GREB1: variants seen among roughly 807,000 people sequenced by gnomAD.
The protein encoded by GREB1 is growth regulating estrogen receptor binding 1, also known as protein GREB1.
A neutral mutation model predicts 200.7 loss-of-function variants in GREB1; 106 were observed. The observed-to-expected ratio is 0.53, with a 90% CI of 0.45 to 0.62. The LOEUF (loss-of-function observed/expected upper bound fraction) is 0.62. GREB1 is among the 20% of genes least tolerant of loss of function. GREB1 has a pLI of 0.00. For synonymous variants in GREB1, 1,132 were observed against 1,092.4 expected, an observed-to-expected ratio of 1.04 and a Z score of -0.72; for missense variants, 2,243 against 2,556.8, an observed-to-expected ratio of 0.88 and a Z score of 2.65.
In GREB1 at chr2:11,585,924, C is replaced by A; in HGVS notation, c.1159+19C>A. On this transcript the variant is annotated intron_variant, in intron 9 of 32. Coordinates refer to ENST00000381486, the MANE Select transcript of GREB1 (RefSeq NM_014668.4). The stretch of plus-strand genomic sequence containing the variant: ...TTTAAAGGCAAGTACAGCAGTGCAC[C>A]GAGTCGTGGGGATGGGAGAACCTAA... The A allele has an allele frequency of 6.2e-7, 1 of 1,606,044 alleles. No individual in the cohort carries two copies. Among genetic ancestry groups the A allele is most frequent in the South Asian group, 1.1e-5 (1 of 90,938 alleles).
chr2:11,496,023 G>T (rs1375365993), intron 1 of GREB1, among the ~76,000 whole-genome samples: 1 of 152,172 alleles, frequency 6.6e-6, no homozygotes, highest in Non-Finnish European at 1.5e-5. Context: ...AAGCGGCACG[G>T]CTGGGGTTTG....
At chr2:11,618,242 A>G (rs369538387) in intron 21 of GREB1, 46 bp from the exon 22 acceptor site, 37 of 1,516,246 alleles carry the variant, frequency 2.4e-5, no homozygotes, top group African/African-American at 4.2e-5. Context: ...GACTCCTGGG[A>G]CAGGTACCTT....
intron 15 of GREB1, 27 bp downstream of exon 15, chr2:11,598,887 T>C (rs1681504689): frequency 1.3e-6 from 2 of 1,592,872 alleles, no homozygotes; most frequent in Non-Finnish European, 1.7e-6. Context: ...ATATGACAAG[T>C]TGACATTTTC....
At chr2:11,486,773 C>G (rs1256657982) in intron 1 of GREB1, among the ~76,000 whole-genome samples, 1 of 151,758 alleles carries the variant, frequency 6.6e-6, no homozygotes, top group African/African-American at 2.4e-5. Context: ...GAGGCTGAGG[C>G]GGGAGAATTG....
At chr2:11,542,899 C>G (rs1488477353) in intron 1 of GREB1, 3 of 152,420 alleles carry the variant, frequency 2.0e-5, no homozygotes, top group Non-Finnish European at 2.9e-5. Context: ...TCCCAGGGGC[C>G]TAAATTAAAG....
At chr2:11,531,678 C>T (rs1674080096), upstream of GREB1, among the ~76,000 whole-genome samples, 1 of 152,144 alleles carries the variant, frequency 6.6e-6, no homozygotes, top group Admixed American at 6.5e-5. Flanking sequence ...TCAAGCGATT[C>T]TCCTGCATCA....
At position 11,638,723 on chromosome 2, in the gene GREB1, C is replaced by T. The variant is rs558861861; in HGVS notation, c.5600C>T (p.Ser1867Leu). 15 of 1,614,036 alleles carry T rather than the reference C, an allele frequency of 9.3e-6. No individual in the cohort carries two copies. The highest frequency in any genetic ancestry group is 1.6e-4 in the Middle Eastern group (1 of 6,062). ...CCCCACTCTTTAAACATCAGCTGCT[C>T]GGACTTGCTGTTCAGTGGGCTGCTG... is the stretch of plus-strand genomic sequence containing the variant. Reference protein sequence around the residue: ...SRPHSLNISCSDLLFSGLLLY... With the variant: ...SRPHSLNISCLDLLFSGLLLY... The change falls in exon 32 of 33, where the codon TCG (serine) becomes TTG (leucine). Residue 1867 changes from serine to leucine, a missense_variant. Physicochemically the swap from Ser to Leu is moderately radical, Grantham distance 145 (BLOSUM62 -2). Transcript: ENST00000381486.
chr2:11,570,901 C>T (rs1041168316), intron 4 of GREB1, among the ~76,000 whole-genome samples: 7 of 152,084 alleles, frequency 4.6e-5, no homozygotes, highest in African/African-American at 1.2e-4. Flanking sequence ...TCATCTTCCG[C>T]GGGAACACCT....
At chr2:11,517,842 A>G (rs1673560493) in intron 1 of GREB1, among the ~76,000 whole-genome samples, 1 of 151,916 alleles carries the variant, frequency 6.6e-6, no homozygotes, top group African/African-American at 2.4e-5. Flanking sequence ...TTTAGTAGAG[A>G]CGGGGTTTCA....
chr2:11,582,941 G>A (rs1679661441), intron 7 of GREB1, among the ~76,000 whole-genome samples: 1 of 152,198 alleles, frequency 6.6e-6, no homozygotes, highest in South Asian at 2.1e-4. Context: ...TGGATTTGTT[G>A]TCCCAGGCCC....
rs952377264 is a variant in GREB1, at chr2:11,588,082, C to G, written c.1160-664C>G. 7 of 499,266 alleles carry G rather than the reference C, an allele frequency of 1.4e-5. No homozygotes were observed. The South Asian group carries it at 5.7e-4, about 41-fold the overall frequency. 30.9% of individuals were successfully genotyped at this position (499,266 alleles called of 1,614,324 possible). A position where few individuals can be genotyped will look rare whatever the true frequency, so the allele number is the denominator to read the frequency against. ...CTCTACTAAAAATACAAAAATTGGCCGGGTGTGGTGGTGATGCGCACCTGT... is the reference window on the plus strand; with the variant it reads ...CTCTACTAAAAATACAAAAATTGGCGGGGTGTGGTGGTGATGCGCACCTGT... On this transcript the variant is annotated intron_variant, in intron 9 of 32. Transcript: ENST00000381486.
chr2:11,626,551 G>A (rs545510821), intron 24 of GREB1, among the ~76,000 whole-genome samples: 83 of 152,284 alleles, frequency 5.5e-4, no homozygotes, highest in African/African-American at 1.7e-3. Context: ...TTGTGCCACT[G>A]TACTCCAGCC....
In GREB1 at chr2:11,548,871, GATT is replaced by G. The variant is rs1160545225; in HGVS notation, c.-161-7576_-161-7574del. ...AATGGTTTTACTCTACTCTCACTTTGATTATTATTTTTGTTGAGTATTCTAGGT... is the reference window on the plus strand; with the variant it reads ...AATGGTTTTACTCTACTCTCACTTTGATTATTTTTGTTGAGTATTCTAGGT... On this transcript the variant is annotated intron_variant, in intron 1 of 32. Coordinates refer to ENST00000381486, the MANE Select transcript of GREB1 (RefSeq NM_014668.4). This position sits in a 1 kb window ranked among gnomAD's most constrained non-coding sequence, Gnocchi z 5.1. Among the ~76,000 whole-genome samples the G allele has an allele frequency of 6.6e-6, 1 of 152,024 alleles. No individual in the cohort carries two copies. Among genetic ancestry groups the G allele is most frequent in the Non-Finnish European group, 1.5e-5 (1 of 67,984 alleles).
At chr2:11,621,153 A>G (rs1683980998) in intron 23 of GREB1, 146 bp downstream of exon 23, 1 of 623,868 alleles carries the variant, frequency 1.6e-6, no homozygotes, top group East Asian at 2.8e-5. Context: ...GGTGCTATTT[A>G]TCTTGTAGTC....
Position 11,640,749 on chromosome 2 carries a change from T to C in GREB1, c.*295T>C, listed in dbSNP as rs187092696. ...CAAAGATTTACTTCCTGTCCTGCCATTCGTGTGCTTCCATGGACAAACCTG... is the reference window on the plus strand; with the variant it reads ...CAAAGATTTACTTCCTGTCCTGCCACTCGTGTGCTTCCATGGACAAACCTG... On this transcript the variant is annotated 3_prime_UTR_variant, in exon 33 of 33. Coordinates refer to ENST00000381486, the MANE Select transcript of GREB1 (RefSeq NM_014668.4). This position sits in a 1 kb window ranked among gnomAD's most constrained non-coding sequence, Gnocchi z 4.6. 1.4e-3 allele frequency: 508 copies of C among 357,066 alleles called. 2 individuals are homozygous for C. Among genetic ancestry groups the C allele is most frequent in the African/African-American group, 0.01 (467 of 46,584 alleles). The allele number at this position is 357,066 out of a possible 1,614,324, so 22.1% of individuals were successfully genotyped here. A position where few individuals can be genotyped will look rare whatever the true frequency, so the allele number is the denominator to read the frequency against.
intron 1 of GREB1, among the ~76,000 whole-genome samples, chr2:11,518,328 A>C (rs1234864748): frequency 6.6e-6 from 1 of 152,184 alleles, no homozygotes; most frequent in East Asian, 1.9e-4. Context: ...GCTCATTTAA[A>C]GGTATTTTGG....
At chr2:11,585,980 AC>A in intron 9 of GREB1, 75 bp downstream of exon 9, 1 of 1,481,854 alleles carries the variant, frequency 6.7e-7, no homozygotes, top group Non-Finnish European at 9.4e-7. Flanking sequence ...CAAAAGCGAG[AC>A]CTCATCCCGG....
intron 4 of GREB1, among the ~76,000 whole-genome samples, chr2:11,574,796 TGTGA>T (rs1678675175): frequency 6.6e-6 from 1 of 152,202 alleles, no homozygotes; most frequent in Non-Finnish European, 1.5e-5. Flanking sequence ...CCTGGTTCCC[TGTGA>T]GTGTTAGTTC....
At chr2:11,572,440 A>C (rs1483849036) in intron 4 of GREB1, among the ~76,000 whole-genome samples, 1 of 152,224 alleles carries the variant, frequency 6.6e-6, no homozygotes, top group Non-Finnish European at 1.5e-5. Context: ...CCAAGTGCTC[A>C]GAGACCACTG....
Sources: gnomAD v4.1 joint callset for allele counts (sites outside exome capture counted in the v4.1 genomes callset) on GRCh38, gnomAD v4.1.1 for gene constraint, Gnocchi (gnomAD v3.1) non-coding constraint, MANE v1.5 for transcripts, NCBI Gene and HGNC (gene_info 2026-07-23, HGNC 2026-07-21) for gene names.